Variants in DMXL2 observed in about 807,000 individuals in gnomAD.
DMXL2 encodes dmX-like protein 2.
Under a neutral mutation model 331.1 loss-of-function variants are expected in DMXL2, and 103 were observed. The ratio of observed to expected loss-of-function variants is 0.31; its 90% CI spans 0.27 to 0.37. The LOEUF (loss-of-function observed/expected upper bound fraction) is 0.37. Among genes scored for constraint, DMXL2 ranks in the 10% least tolerant of loss-of-function variants. The pLI is 1.00. For synonymous variants in DMXL2, 1,281 were observed against 1,252.1 expected (o/e 1.02, Z -0.49); for missense variants, 3,171 against 3,642.9 (o/e 0.87, Z 3.33).
rs1045758707 is a variant in DMXL2 at position 51,491,701 on chromosome 15, T to C, written c.4830A>G (p.Glu1610=). ...CTGGAATCATATTAATCAGTTCTTC[T>C]TCAGCCTCAGAATGAAAAGCCCAGG... The part of the protein sequence containing the change: ...HFAWAFHSEA[E]EELINMIPAI... Residue 1610 remains glutamate, a synonymous_variant, in exon 20 of 44, where the codon GAA becomes GAG. Coordinates refer to ENST00000560891, the MANE Select transcript of DMXL2 (RefSeq NM_001378457.1). 3.1e-6 allele frequency: 5 copies of C among 1,612,240 alleles called. No individual in the cohort carries two copies. Among genetic ancestry groups the C allele is most frequent in the Admixed American group, 1.7e-5 (1 of 59,538 alleles).
rs757096858 is a variant in DMXL2, at chr15:51,481,340, A to G, written c.5766T>C (p.Asp1922=). Residue 1922 remains aspartate (D), a synonymous_variant, in exon 24 of 44, where the codon GAT becomes GAC. Coordinates refer to ENST00000560891, the MANE Select transcript of DMXL2 (RefSeq NM_001378457.1). The part of the protein sequence containing the change: ...TKTSALSAKK[D]QPDFISHRMD... ...TCCTGTGAGAAATGAAGTCAGGCTG[A>G]TCTTTTTTTGCAGATAAGGCAGATG... The G allele has an allele frequency of 1.2e-6, 2 of 1,614,124 alleles. No individual in the cohort carries two copies. Among genetic ancestry groups the G allele is most frequent in the East Asian group, 2.2e-5 (1 of 44,878 alleles).
chr15:51,472,207 G>T lies in DMXL2; in HGVS notation c.7214-806C>A, dbSNP rs539648550. Among the ~76,000 whole-genome samples, 30 of 152,136 alleles carry T rather than the reference G, an allele frequency of 2.0e-4. No homozygotes were observed. In the South Asian group the frequency reaches 5.8e-3, roughly 29 times the overall value. On this transcript the variant is annotated intron_variant, in intron 28 of 43. Transcript: ENST00000560891. ...TCCTCTCCTAAACCTCCCCATCACAGAAAATAATTTTATCTCAACTCTTCT... is the reference window on the plus strand; with the variant it reads ...TCCTCTCCTAAACCTCCCCATCACATAAAATAATTTTATCTCAACTCTTCT...
At chr15:51,606,078 C>G (rs1284670529) in intron 1 of DMXL2, among the ~76,000 whole-genome samples, 2 of 152,116 alleles carry the variant, frequency 1.3e-5, no homozygotes, top group Non-Finnish European at 2.9e-5. Context: ...TGAAAGTGCT[C>G]CATCTGACAA....
intron 1 of DMXL2, among the ~76,000 whole-genome samples, chr15:51,600,788 G>A (rs1426917992): frequency 6.6e-6 from 1 of 152,054 alleles, no homozygotes; most frequent in African/African-American, 2.4e-5. Flanking sequence ...AAGAACACCT[G>A]GCCATAGGTC....
Position 51,450,176 on chromosome 15 carries a change from G to A in DMXL2, c.8920C>T (p.Pro2974Ser). 1 of 1,613,796 alleles carries A rather than the reference G, an allele frequency of 6.2e-7. No individual in the cohort carries two copies. The highest frequency in any genetic ancestry group is 8.5e-7 in the Non-Finnish European group (1 of 1,179,972). ...CCTGTGGTAAAATATTCCTCATAGGGATCCAAGGCCAGAGCCTTAATAGCT... is the reference window on the plus strand; with the variant it reads ...CCTGTGGTAAAATATTCCTCATAGGAATCCAAGGCCAGAGCCTTAATAGCT... Reference protein sequence around the residue: ...DSAIKALALDPYEEYFTTGSA... With the variant: ...DSAIKALALDSYEEYFTTGSA... The change falls in exon 43 of 44, where the codon CCC becomes TCC. Residue 2974 changes from proline to serine, a missense_variant. Physicochemically the swap from Pro to Ser is moderately conservative, Grantham distance 74. Around this residue, in one of 7 missense-constraint regions of DMXL2, gnomAD observed 766 missense variants for 940.5 expected, o/e 0.81. Coordinates refer to ENST00000560891, the MANE Select transcript of DMXL2 (RefSeq NM_001378457.1).
chr15:51,483,801 C>T (rs765386595), intron 23 of DMXL2, among the ~76,000 whole-genome samples: 6 of 152,060 alleles, frequency 3.9e-5, no homozygotes, highest in Non-Finnish European at 7.4e-5. Context: ...GCCCTGTGGG[C>T]TATCCCTGGT....
intron 23 of DMXL2, 51 bp from the exon 24 acceptor site, chr15:51,481,674 T>C (rs2042018978): frequency 2.1e-6 from 3 of 1,461,892 alleles, no homozygotes; most frequent in Non-Finnish European, 2.7e-6. Flanking sequence ...AATATGTATT[T>C]ACATTACAAA....
chr15:51,456,291 T>G lies in DMXL2; in HGVS notation c.8398+18A>C. The G allele has an allele frequency of 6.3e-7, 1 of 1,596,358 alleles. No individual in the cohort carries two copies. Among genetic ancestry groups the G allele is most frequent in the South Asian group, 1.1e-5 (1 of 88,336 alleles). On this transcript the variant is annotated intron_variant, in intron 38 of 43. Coordinates refer to ENST00000560891, the MANE Select transcript of DMXL2 (RefSeq NM_001378457.1). ...TCCAAATGAGGACACTTACAATTAT[T>G]AGGTCATAAATACTTACAGTATTGA...
At chr15:51,606,388 G>A (rs1399075593) in intron 1 of DMXL2, among the ~76,000 whole-genome samples, 2 of 152,080 alleles carry the variant, frequency 1.3e-5, no homozygotes, top group East Asian at 1.9e-4. Context: ...TAGAGACAGG[G>A]TTTCACCAGT....
intron 32 of DMXL2, among the ~76,000 whole-genome samples, chr15:51,463,979 C>T (rs1347034097): frequency 2.0e-5 from 3 of 151,956 alleles, no homozygotes; most frequent in Non-Finnish European, 4.4e-5. Flanking sequence ...CCTAGATTGG[C>T]AGGTAAAAGA....
At chr15:51,617,811 A>G (rs1348567189) in intron 1 of DMXL2, among the ~76,000 whole-genome samples, 1 of 152,172 alleles carries the variant, frequency 6.6e-6, no homozygotes, top group Non-Finnish European at 1.5e-5. Context: ...TTTGGGGAAG[A>G]CATTATTCAG....
rs760593886 is a variant in DMXL2 at position 51,537,490 on chromosome 15, G to T, written c.1615C>A (p.Gln539Lys). The T allele has an allele frequency of 1.2e-6, 2 of 1,606,856 alleles. No homozygotes were observed. Reference protein sequence around the residue: ...EYNPGIFRQVQVSFSSRIPVA... With the variant: ...EYNPGIFRQVKVSFSSRIPVA... Reference sequence around the variant, plus strand: ...ACTATTTCATCAATAAAATATACCTGAACTTGTCTAAATATTCCAGGATTA... The same window carrying T: ...ACTATTTCATCAATAAAATATACCTTAACTTGTCTAAATATTCCAGGATTA... Residue 539 changes from glutamine (Q) to lysine (K), a missense_variant and splice_region_variant, in exon 11 of 44, where the codon CAG (glutamine) becomes AAG (lysine). Physicochemically the swap from Gln to Lys is moderately conservative, Grantham distance 53 (BLOSUM62 1). This residue lies in a region of DMXL2 where 1,674 missense variants were observed against 1,780.2 expected (regional missense o/e 0.94). Transcript: ENST00000560891.
At chr15:51,452,697 A>G (rs1018452758) in intron 41 of DMXL2, among the ~76,000 whole-genome samples, 1 of 152,202 alleles carries the variant, frequency 6.6e-6, no homozygotes, top group African/African-American at 2.4e-5. Flanking sequence ...TTCCTTAAAG[A>G]ACTATAAGCA....
chr15:51,585,457 G>A (rs2051738002), intron 1 of DMXL2, among the ~76,000 whole-genome samples: 1 of 152,072 alleles, frequency 6.6e-6, no homozygotes. Flanking sequence ...AGTATTTCAT[G>A]TTGTGGCTTT....
chr15:51,503,383 T>C (rs2043822036), intron 16 of DMXL2, among the ~76,000 whole-genome samples: 2 of 152,208 alleles, frequency 1.3e-5, no homozygotes, highest in South Asian at 2.1e-4. Context: ...TGGAATACTA[T>C]TCAGCTATAA....
chr15:51,579,939 G>A (rs1478812944), intron 1 of DMXL2, among the ~76,000 whole-genome samples: 1 of 152,172 alleles, frequency 6.6e-6, no homozygotes, highest in East Asian at 1.9e-4. Flanking sequence ...CTGAGGCCCA[G>A]AAAGGGTAAG....
intron 1 of DMXL2, among the ~76,000 whole-genome samples, chr15:51,609,261 T>C (rs981655280): frequency 6.6e-6 from 1 of 152,168 alleles, no homozygotes; most frequent in African/African-American, 2.4e-5. Flanking sequence ...AAAAAGCACA[T>C]AGTAAGATTG....
At chr15:51,480,396 T>A in intron 24 of DMXL2, 146 bp downstream of exon 24, 1 of 1,041,056 alleles carries the variant, frequency 9.6e-7, no homozygotes, top group South Asian at 2.4e-5. Flanking sequence ...ACACATAGAG[T>A]ATAAATATCT....
At chr15:51,556,753 C>T (rs533950343) in intron 6 of DMXL2, among the ~76,000 whole-genome samples, 1 of 151,774 alleles carries the variant, frequency 6.6e-6, no homozygotes, top group Non-Finnish European at 1.5e-5. Flanking sequence ...GCCTGGGTGA[C>T]AGAGCGAGAT....
Sources: gnomAD v4.1 joint callset for allele counts (sites outside exome capture counted in the v4.1 genomes callset) on GRCh38, gnomAD v4.1.1 for gene constraint, gnomAD v4.1.1 regional missense constraint, MANE v1.5 for transcripts, NCBI Gene and HGNC (gene_info 2026-07-23, HGNC 2026-07-21) for gene names.